Variants in ELAVL4 observed in about 807,000 individuals in gnomAD.
ELAVL4 encodes ELAV like RNA binding protein 4.
Under a neutral mutation model 35.6 loss-of-function variants are expected in ELAVL4, and 1 was observed. The ratio of observed to expected loss-of-function variants is 0.03; its 90% CI spans 0.01 to 0.13. ELAVL4 has a LOEUF of 0.13. ELAVL4 is among the 10% of genes least tolerant of loss of function. ELAVL4 has a pLI of 1.00. For missense variants in ELAVL4, 267 were observed against 464.9 expected (o/e 0.57, Z 3.91); for synonymous variants, 156 against 171.0 (o/e 0.91, Z 0.69).
At chr1:50,191,052 A>G (rs888905245) in intron 3 of ELAVL4, among the ~76,000 whole-genome samples, 1 of 152,184 alleles carries the variant, frequency 6.6e-6, no homozygotes, top group Admixed American at 6.5e-5. Flanking sequence ...GGCATAACAC[A>G]CACATCTTGT....
chr1:50,054,372 A>G (rs1368615845), intron 1 of ELAVL4, among the ~76,000 whole-genome samples: 3 of 152,046 alleles, frequency 2.0e-5, no homozygotes, highest in Non-Finnish European at 2.9e-5. Flanking sequence ...CTGCCCAACC[A>G]TTGTCACTCC....
Position 50,128,223 on chromosome 1 carries a change from T to C in ELAVL4, c.10-16734T>C, listed in dbSNP as rs1239932186. Among the ~76,000 whole-genome samples the C allele has an allele frequency of 2.6e-5, 4 of 152,140 alleles. No homozygotes were observed. In the East Asian group the frequency reaches 5.8e-4, roughly 22 times the overall value. On this transcript the variant is annotated intron_variant, in intron 1 of 6. Transcript: ENST00000371824. ...GCCTTACTTGGAAAATGGAAGGCCC[T>C]AGGTTTTGAAAACAGCCTCTTGGGA...
intron 4 of ELAVL4, 42 bp downstream of exon 4, chr1:50,193,960 T>C (rs1486363043): frequency 6.2e-7 from 1 of 1,605,202 alleles, no homozygotes; most frequent in South Asian, 1.1e-5. Flanking sequence ...TATATCAATG[T>C]CATCAGCCCT....
chr1:50,125,511 G>A (rs1354129847), intron 1 of ELAVL4, among the ~76,000 whole-genome samples: 2 of 152,142 alleles, frequency 1.3e-5, no homozygotes, highest in South Asian at 2.1e-4. Flanking sequence ...TGCATGTGGT[G>A]TAAGGTGGTC....
At chr1:50,130,123 C>A (rs1316892901) in intron 1 of ELAVL4, among the ~76,000 whole-genome samples, 1 of 152,134 alleles carries the variant, frequency 6.6e-6, no homozygotes, top group Non-Finnish European at 1.5e-5. Flanking sequence ...GAATTATGGT[C>A]TTTCCTGTAA....
chr1:50,070,377 C>T (rs1342832193), intron 1 of ELAVL4, among the ~76,000 whole-genome samples: 1 of 152,118 alleles, frequency 6.6e-6, no homozygotes, highest in Non-Finnish European at 1.5e-5. Context: ...TATGGGACTC[C>T]CTGCCTCATC....
At position 50,187,160 on chromosome 1, in the gene ELAVL4, G is replaced by T. The variant is rs117112782; in HGVS notation, c.355-6605G>T. 9.2e-5 allele frequency among the ~76,000 whole-genome samples: 14 copies of T among 152,250 alleles called. No homozygotes were observed. The East Asian group carries it at 2.7e-3, about 29-fold the overall frequency. On this transcript the variant is annotated intron_variant, in intron 3 of 6. Coordinates refer to ENST00000371824, the MANE Select transcript of ELAVL4 (RefSeq NM_001144774.3). ...TTTGTATGCACTCAGAGAAAAGGGT[G>T]TTACAACAGATTGGGGAAAATCTGC...
intron 1 of ELAVL4, among the ~76,000 whole-genome samples, chr1:50,076,092 G>C (rs1048365899): frequency 1.3e-5 from 2 of 152,142 alleles, no homozygotes; most frequent in African/African-American, 2.4e-5. Context: ...GCCTCCCAAA[G>C]TGCTGGGATT....
intron 2 of ELAVL4, among the ~76,000 whole-genome samples, chr1:50,169,127 G>C (rs1366659320): frequency 6.6e-6 from 1 of 152,004 alleles, no homozygotes; most frequent in African/African-American, 2.4e-5. Flanking sequence ...GATGTTCAAG[G>C]GCAGGAAGCA....
In ELAVL4 at chr1:50,129,451, A is replaced by G. The variant is rs184709026; in HGVS notation, c.10-15506A>G. ...AACATGATGGTTTTCCTTGTAGGAAAGCAGAAACCCTAATGACTCTTATTA... is the reference window on the plus strand; with the variant it reads ...AACATGATGGTTTTCCTTGTAGGAAGGCAGAAACCCTAATGACTCTTATTA... On this transcript the variant is annotated intron_variant, in intron 1 of 6. Transcript: ENST00000371824. Among the ~76,000 whole-genome samples the G allele has an allele frequency of 5.3e-5, 8 of 152,272 alleles. No individual in the cohort carries two copies. In the East Asian group the frequency reaches 1.4e-3, roughly 26 times the overall value.
At chr1:50,149,226 C>T (rs574406333) in intron 2 of ELAVL4, among the ~76,000 whole-genome samples, 3 of 151,714 alleles carry the variant, frequency 2.0e-5, no homozygotes, top group Non-Finnish European at 2.9e-5. Context: ...GGTGAAACCC[C>T]GTCTCTACTA....
rs146794403 is a variant in ELAVL4 at position 50,159,613 on chromosome 1, TA to T, written c.250+14428del. On this transcript the variant is annotated intron_variant, in intron 2 of 6. Coordinates refer to ENST00000371824, the MANE Select transcript of ELAVL4 (RefSeq NM_001144774.3). ...GATGGAGCGAGATTCCATCTCAAAA[TA>T]AAAAAAAAAAATGGGGGGCTCTTTT... Among the ~76,000 whole-genome samples, 703 of 139,902 alleles carry T rather than the reference TA, an allele frequency of 5.0e-3. 13 individuals are homozygous for T. Among genetic ancestry groups the T allele is most frequent in the African/African-American group, 0.014 (520 of 38,332 alleles). 91.8% of individuals were successfully genotyped at this position (139,902 alleles called of 152,430 possible).
intron 3 of ELAVL4, among the ~76,000 whole-genome samples, chr1:50,192,009 AG>A: frequency 6.6e-6 from 1 of 152,316 alleles, no homozygotes; most frequent in Non-Finnish European, 1.5e-5. Context: ...CTTAAAGAAC[AG>A]GGGTGGGAGA....
rs905169523 is a variant in ELAVL4 at position 50,201,259 on chromosome 1, AAGAG to A, written c.*87_*90del. The A allele has an allele frequency of 1.3e-5, 18 of 1,416,358 alleles. No homozygotes were observed. The African/African-American group carries it at 2.6e-4, about 21-fold the overall frequency. The allele number at this position is 1,416,358 out of a possible 1,614,324, so 87.7% of individuals were successfully genotyped here. A position where few individuals can be genotyped will look rare whatever the true frequency, so the allele number is the denominator to read the frequency against. The stretch of plus-strand genomic sequence containing the variant: ...CGCGCGCACACACACACATACACGA[AAGAG>A]AGAGAAACAAACTTTTCAAGGCTTA... On this transcript the variant is annotated 3_prime_UTR_variant, in exon 7 of 7. Transcript: ENST00000371824. The surrounding 1 kb of genome is among the most constrained non-coding windows in gnomAD (Gnocchi z 4.3).
chr1:50,197,178 G>A (rs900160687), intron 5 of ELAVL4, among the ~76,000 whole-genome samples: 26 of 148,950 alleles, frequency 1.7e-4, no homozygotes, highest in Admixed American at 2.6e-4. Flanking sequence ...GGGGGGAATG[G>A]TATTAATTCA....
rs17853532 is a variant in ELAVL4 at position 50,193,788 on chromosome 1, T to C, written c.378T>C (p.Ser126=). The C allele has an allele frequency of 1.2e-6, 2 of 1,613,866 alleles. No homozygotes were observed. The highest frequency in any genetic ancestry group is 1.3e-5 in the African/African-American group (1 of 74,904). ...AGGTCTCATATGCCCGTCCGAGCTC[T>C]GCCTCAATCAGGGATGCTAACCTCT... The part of the protein sequence containing the change: ...TIKVSYARPS[S]ASIRDANLYV... Residue 126 remains serine, a synonymous_variant, in exon 4 of 7, where the codon TCT becomes TCC. Transcript: ENST00000371824.
chr1:50,105,041 T>C (rs954774552), upstream of ELAVL4, among the ~76,000 whole-genome samples: 2 of 152,218 alleles, frequency 1.3e-5, no homozygotes, highest in Non-Finnish European at 1.5e-5. Flanking sequence ...TCACTATTCA[T>C]ATAATTGTAT....
chr1:50,122,904 G>A (rs1327913987), intron 1 of ELAVL4, among the ~76,000 whole-genome samples: 2 of 152,000 alleles, frequency 1.3e-5, no homozygotes, highest in East Asian at 1.9e-4. Flanking sequence ...AGGATTGTTA[G>A]GATTAAATAG....
intron 3 of ELAVL4, among the ~76,000 whole-genome samples, chr1:50,178,424 C>G (rs1227564890): frequency 6.6e-6 from 1 of 152,172 alleles, no homozygotes; most frequent in Non-Finnish European, 1.5e-5. Context: ...AAAAACAAAG[C>G]AAAACCTTTC....
Sources: allele counts gnomAD v4.1 joint callset (sites outside exome capture counted in the v4.1 genomes callset), GRCh38; gene constraint gnomAD v4.1.1; non-coding constraint Gnocchi (gnomAD v3.1); transcripts MANE v1.5; gene names NCBI Gene and HGNC (gene_info 2026-07-23, HGNC 2026-07-21).